The following SRPK2 variants were observed in gnomAD, a reference collection of about 807,000 sequenced individuals.
SRPK2 encodes SRSF protein kinase 2, also known as SFRS protein kinase 2.
Under a neutral mutation model 90.8 loss-of-function variants are expected in SRPK2, and 21 were observed. The observed-to-expected ratio is 0.23, with a 90% CI of 0.16 to 0.33. SRPK2 has a LOEUF of 0.33. SRPK2 is among the 10% of genes least tolerant of loss of function. The pLI, the probability that SRPK2 is intolerant of heterozygous loss-of-function variation, is 1.00. For synonymous variants in SRPK2, 288 were observed against 311.1 expected (o/e 0.93, Z 0.78); for missense variants, 620 against 869.0 (o/e 0.71, Z 3.60).
intron 2 of SRPK2, among the ~76,000 whole-genome samples, chr7:105,281,877 A>G (rs185723576): frequency 2.0e-5 from 3 of 152,314 alleles, no homozygotes; most frequent in African/African-American, 7.2e-5. Flanking sequence ...TAAGATGGCA[A>G]TATTCCCCAA....
intron 7 of SRPK2, among the ~76,000 whole-genome samples, chr7:105,156,015 AG>A (rs1271406586): frequency 6.6e-6 from 1 of 152,194 alleles, no homozygotes; most frequent in Admixed American, 6.5e-5. Context: ...AGGGTACCTG[AG>A]GGACATCACT....
At chr7:105,298,561 T>C (rs1302583226) in intron 2 of SRPK2, among the ~76,000 whole-genome samples, 1 of 152,162 alleles carries the variant, frequency 6.6e-6, no homozygotes, top group East Asian at 1.9e-4. Flanking sequence ...GATGACTGCT[T>C]GAGACCAGGA....
rs554481891 is a variant in SRPK2, at chr7:105,281,580, A to G, written c.72-77795T>C. On this transcript the variant is annotated intron_variant, in intron 2 of 15. Transcript: ENST00000393651. ...GGCAGGAGGATCACTTGAGCCTTGA[A>G]GTTTAAGGATATAATGCACTATCAT... Among the ~76,000 whole-genome samples, 94 of 152,076 alleles carry G rather than the reference A, an allele frequency of 6.2e-4. 1 individual carries two copies. In the Middle Eastern group the frequency reaches 0.02, roughly 33 times the overall value.
At chr7:105,353,341 T>C (rs759417080) in intron 2 of SRPK2, among the ~76,000 whole-genome samples, 1 of 151,974 alleles carries the variant, frequency 6.6e-6, no homozygotes, top group East Asian at 1.9e-4. Context: ...AATGGTTTTG[T>C]TTTTTTGTGT....
At chr7:105,159,448 C>CAAAAAAAAAAAAAAAAAAAAAAAAA (rs765544583) in intron 7 of SRPK2, among the ~76,000 whole-genome samples, 7 of 33,138 alleles carry the variant, frequency 2.1e-4, no homozygotes, top group Admixed American at 4.5e-4. Context: ...ACTCCGTCTC[C>CAAAAAAAAAAAAAAAAAAAAAAAAA]AAAAAAAAAA....
At chr7:105,367,826 C>T (rs542102469) in intron 2 of SRPK2, among the ~76,000 whole-genome samples, 43 of 152,252 alleles carry the variant, frequency 2.8e-4, no homozygotes, top group Non-Finnish European at 4.6e-4. Flanking sequence ...GCATTCATGA[C>T]ATACCTTTTT....
At chr7:105,204,536 G>A (rs1486451523) in intron 2 of SRPK2, 9 of 397,764 alleles carry the variant, frequency 2.3e-5, no homozygotes, top group Middle Eastern at 7.0e-4. Context: ...TCTGGATGCC[G>A]GAAGCACATC....
At chr7:105,294,413 T>C (rs913178520) in intron 2 of SRPK2, among the ~76,000 whole-genome samples, 1 of 152,208 alleles carries the variant, frequency 6.6e-6, no homozygotes, top group African/African-American at 2.4e-5. Context: ...GAAAAAAAAT[T>C]CACAGTAACT....
At chr7:105,199,009 G>T (rs1795240416) in intron 3 of SRPK2, among the ~76,000 whole-genome samples, 1 of 152,194 alleles carries the variant, frequency 6.6e-6, no homozygotes, top group African/African-American at 2.4e-5. Flanking sequence ...ACCAAGGCAA[G>T]TAAGTACACA....
At chr7:105,338,308 T>A (rs889999547) in intron 2 of SRPK2, among the ~76,000 whole-genome samples, 1 of 152,216 alleles carries the variant, frequency 6.6e-6, no homozygotes, top group Non-Finnish European at 1.5e-5. Context: ...TGATCTCCGC[T>A]CACTGCAACC....
At chr7:105,204,736 C>A in intron 2 of SRPK2, 1 of 679,652 alleles carries the variant, frequency 1.5e-6, no homozygotes, top group South Asian at 1.5e-5. Context: ...ATATTGTGGT[C>A]TGGTTCTGGT....
At chr7:105,214,146 T>C (rs1021930898) in intron 2 of SRPK2, among the ~76,000 whole-genome samples, 2 of 152,220 alleles carry the variant, frequency 1.3e-5, no homozygotes, top group East Asian at 1.9e-4. Flanking sequence ...AGTGCAGATA[T>C]AGAACATTTC....
intron 7 of SRPK2, among the ~76,000 whole-genome samples, chr7:105,151,027 G>A (rs1805565254): frequency 6.6e-6 from 1 of 152,042 alleles, no homozygotes; most frequent in Non-Finnish European, 1.5e-5. Flanking sequence ...TTCACATGAG[G>A]TCCCAATGAC....
chr7:105,292,064 A>G (rs988359721), intron 2 of SRPK2, among the ~76,000 whole-genome samples: 1 of 152,138 alleles, frequency 6.6e-6, no homozygotes, highest in Non-Finnish European at 1.5e-5. Context: ...GTTCCCTTCC[A>G]TATTTCCTTC....
chr7:105,127,045 C>T lies in SRPK2; in HGVS notation c.1770G>A (p.Thr590=), dbSNP rs199524118. ...AATGTGGTTCAAACAAATAATCTCC[C>T]GTTGCCAGCTCAAATGCCTAGGATA... is the stretch of plus-strand genomic sequence containing the variant. ...STACMAFELA[T]GDYLFEPHSG... Residue 590 remains threonine (T), a synonymous_variant, in exon 14 of 16, where the codon ACG becomes ACA. Transcript: ENST00000393651. 401 of 1,614,096 alleles carry T rather than the reference C, an allele frequency of 2.5e-4. No individual in the cohort carries two copies. The highest frequency in any genetic ancestry group is 5.4e-4 in the South Asian group (49 of 91,078).
intron 2 of SRPK2, among the ~76,000 whole-genome samples, chr7:105,232,646 G>A (rs561042464): frequency 2.0e-5 from 3 of 151,778 alleles, no homozygotes; most frequent in African/African-American, 7.3e-5. Flanking sequence ...ATATTCACAT[G>A]TGAAATAACC....
chr7:105,389,600 A>G (rs1822087901), upstream of SRPK2, among the ~76,000 whole-genome samples: 1 of 152,232 alleles, frequency 6.6e-6, no homozygotes, highest in Non-Finnish European at 1.5e-5. Flanking sequence ...CACCAGGTGT[A>G]TAACAATTCA....
chr7:105,204,098 G>C (rs1795904034), intron 2 of SRPK2, among the ~76,000 whole-genome samples: 1 of 152,042 alleles, frequency 6.6e-6, no homozygotes, highest in African/African-American at 2.4e-5. Flanking sequence ...ACCAATTCTG[G>C]GAAATTTAAG....
chr7:105,331,326 A>AAAAC (rs1814341789), intron 2 of SRPK2, among the ~76,000 whole-genome samples: 2 of 144,438 alleles, frequency 1.4e-5, no homozygotes, highest in Non-Finnish European at 3.0e-5. Context: ...AAAAAAAAAA[A>AAAAC]AAAAAAAAAA....
Sources: gnomAD v4.1 joint callset for allele counts (sites outside exome capture counted in the v4.1 genomes callset) on GRCh38, gnomAD v4.1.1 for gene constraint, MANE v1.5 for transcripts, NCBI Gene and HGNC (gene_info 2026-07-23, HGNC 2026-07-21) for gene names.